The following IKZF1 variants were observed in gnomAD, a reference collection of about 807,000 sequenced individuals.
IKZF1 encodes IKAROS family zinc finger 1.
Under a neutral mutation model 51.7 loss-of-function variants are expected in IKZF1, and 10 were observed. The observed-to-expected ratio is 0.19, with a 90% confidence interval of 0.12 to 0.33. The LOEUF is 0.33. Among genes scored for constraint, IKZF1 ranks in the 10% least tolerant of loss-of-function variants. The pLI is 1.00. For missense variants in IKZF1, 484 were observed against 707.5 expected, an observed-to-expected ratio of 0.68 and a Z score of 3.58; for synonymous variants, 280 against 282.3, an observed-to-expected ratio of 0.99 and a Z score of 0.08.
intron 7 of IKZF1, among the ~76,000 whole-genome samples, chr7:50,399,504 A>C (rs1817573803): frequency 6.6e-6 from 1 of 151,480 alleles, no homozygotes; most frequent in Non-Finnish European, 1.5e-5. Context: ...ATAAATGTAT[A>C]GTAAGTTAGC....
intron 3 of IKZF1, among the ~76,000 whole-genome samples, chr7:50,334,554 A>G (rs1315539632): frequency 6.7e-6 from 1 of 149,712 alleles, no homozygotes; most frequent in East Asian, 2.0e-4. Flanking sequence ...TATGCTGTGT[A>G]TATGTATATG....
At chr7:50,311,547 AAAT>A (rs1790184946) in intron 1 of IKZF1, among the ~76,000 whole-genome samples, 1 of 152,240 alleles carries the variant, frequency 6.6e-6, no homozygotes, top group South Asian at 2.1e-4. Context: ...GTGAAGATCT[AAAT>A]AATTTTACTT....
chr7:50,372,434 A>G (rs1296262774), intron 3 of IKZF1, among the ~76,000 whole-genome samples: 1 of 152,228 alleles, frequency 6.6e-6, no homozygotes, highest in African/African-American at 2.4e-5. Context: ...ATGGCTTAGA[A>G]GTTGTCCGAA....
In IKZF1 at chr7:50,356,129, G is replaced by A. The variant is rs551452118; in HGVS notation, c.161-20404G>A. Among the ~76,000 whole-genome samples, 30 of 152,296 alleles carry A rather than the reference G, an allele frequency of 2.0e-4. No individual in the cohort carries two copies. In the East Asian group the frequency reaches 5.4e-3, roughly 27 times the overall value. On this transcript the variant is annotated intron_variant, in intron 3 of 7. Transcript: ENST00000331340. ...GGGGGTCCCTAAACGCATCTACCCC[G>A]ATAGATTTATGTTTTCTTTTCCATT...
chr7:50,366,844 G>A (rs1293370535), intron 3 of IKZF1, among the ~76,000 whole-genome samples: 1 of 152,206 alleles, frequency 6.6e-6, no homozygotes, highest in African/African-American at 2.4e-5. Context: ...AAAGGTTATT[G>A]TAAAACTGGC....
chr7:50,357,767 G>A (rs1249016896), intron 3 of IKZF1, among the ~76,000 whole-genome samples: 3 of 152,216 alleles, frequency 2.0e-5, no homozygotes, highest in East Asian at 1.9e-4. Flanking sequence ...GCTAGGACGC[G>A]AAGACTTGGA....
At chr7:50,308,447 G>A (rs62447181) in intron 1 of IKZF1, among the ~76,000 whole-genome samples, 44,011 of 152,154 alleles carry the variant, frequency 0.29, 6,424 homozygotes, top group Middle Eastern at 0.37. Context: ...AGGTGTGGGG[G>A]CCATTTGTCT....
intron 3 of IKZF1, among the ~76,000 whole-genome samples, chr7:50,337,569 C>T (rs912381551): frequency 6.6e-6 from 1 of 152,204 alleles, no homozygotes; most frequent in African/African-American, 2.4e-5. Context: ...TTGCTCCCTG[C>T]GTGATCCCCA....
intron 7 of IKZF1, among the ~76,000 whole-genome samples, chr7:50,397,722 G>T (rs1414327396): frequency 1.3e-5 from 2 of 152,188 alleles, no homozygotes; most frequent in African/African-American, 4.8e-5. Flanking sequence ...CAAAAAAATT[G>T]TGTGGTTTCA....
chr7:50,389,457 T>C (rs1019405014), intron 6 of IKZF1, among the ~76,000 whole-genome samples: 1 of 152,218 alleles, frequency 6.6e-6, no homozygotes, highest in Non-Finnish European at 1.5e-5. Context: ...GTTAAGTTAC[T>C]TGGACTACCA....
At chr7:50,339,892 A>G (rs1483707474) in intron 3 of IKZF1, among the ~76,000 whole-genome samples, 1 of 152,252 alleles carries the variant, frequency 6.6e-6, no homozygotes, top group Non-Finnish European at 1.5e-5. Context: ...AATTACATTA[A>G]TATGTTACTA....
chr7:50,315,494 C>G (rs896525409), intron 1 of IKZF1, among the ~76,000 whole-genome samples: 6 of 152,140 alleles, frequency 3.9e-5, no homozygotes, highest in African/African-American at 1.2e-4. Context: ...TCCCCTTGTG[C>G]AAGATTCAGA....
At chr7:50,391,345 G>T (rs78396808) in intron 6 of IKZF1, among the ~76,000 whole-genome samples, 1 of 152,164 alleles carries the variant, frequency 6.6e-6, no homozygotes, top group Non-Finnish European at 1.5e-5. Flanking sequence ...AGTTCTTTGC[G>T]TCTCAGAGGG....
intron 3 of IKZF1, chr7:50,369,444 G>A (rs1327625972): frequency 2.5e-6 from 1 of 398,330 alleles, no homozygotes; most frequent in Non-Finnish European, 4.4e-6. Flanking sequence ...ATATACACTT[G>A]GATATGCTTT....
chr7:50,383,315 C>G (rs1812388557), intron 5 of IKZF1, among the ~76,000 whole-genome samples: 1 of 152,164 alleles, frequency 6.6e-6, no homozygotes, highest in South Asian at 2.1e-4. Context: ...AAAGTACAAC[C>G]CACATAATCT....
chr7:50,343,569 G>T (rs149560799), intron 3 of IKZF1, among the ~76,000 whole-genome samples: 3,137 of 152,302 alleles, frequency 0.021, 51 homozygotes, highest in Non-Finnish European at 0.026. Context: ...TTTGAGATTT[G>T]TGGACAAGGA....
At chr7:50,382,405 G>C in intron 4 of IKZF1, 135 bp from the exon 5 acceptor site, 2 of 1,294,458 alleles carry the variant, frequency 1.5e-6, no homozygotes, top group Middle Eastern at 1.9e-4. Flanking sequence ...GGTTTAGTCT[G>C]AAAGCCTCAT....
upstream of IKZF1, chr7:50,303,923 C>CCGGGCCCCG (rs1788146897): frequency 6.9e-6 from 1 of 145,064 alleles, no homozygotes; most frequent in South Asian, 2.1e-4. This position sits in a 1 kb window ranked among gnomAD's most constrained non-coding sequence, Gnocchi z 4.7. Context: ...CGCGGCCGAG[C>CCGGGCCCCG]CGGGCTGCCC....
upstream of IKZF1, among the ~76,000 whole-genome samples, chr7:50,303,730 C>A (rs1788104424): frequency 6.6e-6 from 1 of 151,968 alleles, no homozygotes; most frequent in Non-Finnish European, 1.5e-5. The surrounding 1 kb of genome is among the most constrained non-coding windows in gnomAD (Gnocchi z 4.7). Context: ...GGGGAAAGTG[C>A]TTTACGATGT....
Sources: allele counts gnomAD v4.1 joint callset (sites outside exome capture counted in the v4.1 genomes callset), GRCh38; gene constraint gnomAD v4.1.1; non-coding constraint Gnocchi (gnomAD v3.1); transcripts MANE v1.5; gene names NCBI Gene and HGNC (gene_info 2026-07-23, HGNC 2026-07-21).